The following PNCK variants were observed in gnomAD, a reference collection of about 807,000 sequenced individuals.
PNCK encodes the protein pregnancy up-regulated nonubiquitous CaM kinase.
In PNCK, 21 loss-of-function variants were observed where a neutral mutation model predicts 28.3. The ratio of observed to expected loss-of-function variants is 0.74; its 90% CI spans 0.53 to 1.07. The LOEUF (loss-of-function observed/expected upper bound fraction) is 1.07, where lower values mean the gene tolerates loss of function less well. Ranked by LOEUF, PNCK falls within the 50% of genes least tolerant of loss-of-function variation. The pLI is 0.00. For missense variants in PNCK, 250 were observed against 298.3 expected, an observed-to-expected ratio of 0.84 and a Z score of 1.19; for synonymous variants, 136 against 125.2, an observed-to-expected ratio of 1.09 and a Z score of -0.58.
intron 11 of PNCK, 40 bp downstream of exon 11, chrX:153,670,410 G>T (rs1334484338): frequency 8.3e-7 from 1 of 1,207,779 alleles, no homozygotes; most frequent in Non-Finnish European, 1.1e-6. Context: ...AGCTCTCCAA[G>T]GAGCCAGCTC....
intron 2 of PNCK, 25 bp from the exon 3 acceptor site, chrX:153,672,722 G>A (rs2091320251): frequency 1.7e-6 from 2 of 1,189,440 alleles, no homozygotes; most frequent in South Asian, 3.6e-5. Flanking sequence ...GCGGTGGGAG[G>A]TGGGAAGGAA....
upstream of PNCK, among the ~76,000 whole-genome samples, chrX:153,675,757 C>T (rs1316230467): frequency 9.0e-6 from 1 of 110,631 alleles, no homozygotes; most frequent in Non-Finnish European, 1.9e-5. Flanking sequence ...AACTCCTGAC[C>T]TCAGGTGATC....
At chrX:153,680,567 A>G (rs2091390748) in intron 1 of PNCK, among the ~76,000 whole-genome samples, 2 of 110,184 alleles carry the variant, frequency 1.8e-5, no homozygotes, top group South Asian at 7.7e-4. Context: ...TTTTATAGCA[A>G]TGCAAGAACG....
rs1557040659 is a variant in PNCK at position 153,673,023 on chromosome X, G to A, written c.54C>T (p.Arg18=). Residue 18 remains arginine, a synonymous_variant, in exon 2 of 12, where the codon CGC becomes CGT. Coordinates refer to ENST00000340888, the MANE Select transcript of PNCK (RefSeq NM_001366977.1). Reference sequence around the variant, plus strand: ...CGCACACTCACGAGCCGAGCCTCTCGCGGATCTCGTAGACGCTGCTGATGT... The same window carrying A: ...CGCACACTCACGAGCCGAGCCTCTCACGGATCTCGTAGACGCTGCTGATGT... ...TEDISSVYEI[R]ERLGSGAFSE... The A allele has an allele frequency of 4.2e-6, 5 of 1,194,030 alleles. No homozygotes were observed. Among genetic ancestry groups the A allele is most frequent in the Non-Finnish European group, 4.5e-6 (4 of 885,164 alleles).
chrX:153,670,752 G>A lies in PNCK; in HGVS notation c.886C>T (p.His296Tyr). The change falls in exon 10 of 12, where the codon CAC becomes TAC. Residue 296 changes from histidine (H) to tyrosine (Y), a missense_variant. Coordinates refer to ENST00000340888, the MANE Select transcript of PNCK (RefSeq NM_001366977.1). ...TCTCTCTCCACACTGACCTTCCAGT[G>A]TGTCCGAGCAAAGTTCTTCCGGATC... The part of the protein sequence containing the change: ...EQIRKNFART[H>Y]WKRAFNATSF... 2 of 1,208,703 alleles carry A rather than the reference G, an allele frequency of 1.7e-6. No homozygotes were observed. The highest frequency in any genetic ancestry group is 2.2e-6 in the Non-Finnish European group (2 of 893,240).
At chrX:153,673,945 C>T (rs1267342831), upstream of PNCK, 16 of 1,053,522 alleles carry the variant, frequency 1.5e-5, no homozygotes, top group East Asian at 4.2e-4. Context: ...AGGCAATCGC[C>T]GGGATCCGGC....
intron 1 of PNCK, chrX:153,686,921 A>T (rs2091422890): frequency 8.8e-6 from 1 of 113,357 alleles, no homozygotes; most frequent in Admixed American, 9.2e-5. Context: ...GGCTTAGCTT[A>T]ACGGGATGAG....
chrX:153,670,629 G>C (rs782072376), intron 10 of PNCK, 35 bp from the exon 11 acceptor site: 1 of 1,197,914 alleles, frequency 8.3e-7, no homozygotes, highest in African/African-American at 1.7e-5. Context: ...CCAGGCCTGG[G>C]CCCAGGCCCC....
chrX:153,685,426 CG>C (rs2091414669), intron 1 of PNCK, among the ~76,000 whole-genome samples: 1 of 111,456 alleles, frequency 9.0e-6, no homozygotes, highest in African/African-American at 3.3e-5. Flanking sequence ...AGCTCCCCGC[CG>C]GGAACTCCAG....
Position 153,673,760 on chromosome X carries a change from G to T in PNCK, c.-3+20C>A. The T allele has an allele frequency of 1.3e-6, 1 of 743,139 alleles. No individual in the cohort carries two copies. The highest frequency in any genetic ancestry group is 6.7e-5 in the South Asian group (1 of 14,950). The allele number at this position is 743,139 out of a possible 1,213,427, so 61.2% of individuals were successfully genotyped here. ...GCGCCCCCGCCCCGCGCGTCCCCGC[G>T]CCCCGGAGCAGGTGCAGACCTGGAG... is the stretch of plus-strand genomic sequence containing the variant. On this transcript the variant is annotated intron_variant, in intron 1 of 11. Coordinates refer to ENST00000340888, the MANE Select transcript of PNCK (RefSeq NM_001366977.1).
At chrX:153,673,181 G>A (rs782553372) in intron 1 of PNCK, 103 bp from the exon 2 acceptor site, 6 of 1,180,281 alleles carry the variant, frequency 5.1e-6, no homozygotes, top group East Asian at 3.1e-5. Context: ...AGCCATTGCC[G>A]CTGCGCGCTC....
At chrX:153,673,947 G>T, upstream of PNCK, 1 of 1,057,343 alleles carries the variant, frequency 9.5e-7, no homozygotes. Flanking sequence ...GCAATCGCCG[G>T]GATCCGGCTC....
At chrX:153,677,419 G>A (rs1397772582), upstream of PNCK, among the ~76,000 whole-genome samples, 2 of 110,063 alleles carry the variant, frequency 1.8e-5, no homozygotes, top group Non-Finnish European at 3.8e-5. Flanking sequence ...AGAGAATGGT[G>A]TTGGAGACGA....
chrX:153,670,676 C>T, intron 10 of PNCK, 68 bp downstream of exon 10: 1 of 1,186,723 alleles, frequency 8.4e-7, no homozygotes, highest in African/African-American at 1.7e-5. Flanking sequence ...GGTCACTGGG[C>T]AGCCACGGCG....
At chrX:153,686,628 C>A (rs141508104) in intron 1 of PNCK, 1 of 112,559 alleles carries the variant, frequency 8.9e-6, no homozygotes, top group East Asian at 2.8e-4. Flanking sequence ...TGAGTCACTT[C>A]TCTAATGCCC....
At chrX:153,682,462 A>AGAGAC (rs782554280) in intron 1 of PNCK, among the ~76,000 whole-genome samples, 1 of 111,777 alleles carries the variant, frequency 8.9e-6, no homozygotes, top group African/African-American at 3.2e-5. Context: ...AATTTTTTGT[A>AGAGAC]GAGACAAGGT....
upstream of PNCK, among the ~76,000 whole-genome samples, chrX:153,677,560 G>GTATA (rs1557041773): frequency 9.8e-6 from 1 of 102,132 alleles, no homozygotes; most frequent in Non-Finnish European, 1.9e-5. Context: ...TATATATAGT[G>GTATA]TGTATATATA....
At chrX:153,679,128 C>T (rs1309920635), upstream of PNCK, among the ~76,000 whole-genome samples, 1 of 111,483 alleles carries the variant, frequency 9.0e-6, no homozygotes, top group Non-Finnish European at 1.9e-5. Context: ...GAAAAAAAGG[C>T]TGCTATAAAT....
upstream of PNCK, among the ~76,000 whole-genome samples, chrX:153,679,346 T>G (rs2091384103): frequency 1.8e-5 from 2 of 108,579 alleles, no homozygotes; most frequent in Admixed American, 2.0e-4. Flanking sequence ...CATTAGGAGT[T>G]GTCAGTGTTT....
Sources: gnomAD v4.1 joint callset for allele counts (sites outside exome capture counted in the v4.1 genomes callset) on GRCh38, gnomAD v4.1.1 for gene constraint, MANE v1.5 for transcripts, NCBI Gene and HGNC (gene_info 2026-07-23, HGNC 2026-07-21) for gene names.